The following CTNND2 variants were observed in gnomAD, a reference collection of about 807,000 sequenced individuals.
CTNND2 encodes the protein catenin delta-2.
In CTNND2, 22 loss-of-function variants were observed where a neutral mutation model predicts 144.4. The ratio of observed to expected loss-of-function variants is 0.15; its 90% CI spans 0.11 to 0.22. The LOEUF is 0.22. Among genes scored for constraint, CTNND2 ranks in the 10% least tolerant of loss-of-function variants. CTNND2 has a pLI of 1.00. For synonymous variants in CTNND2, 751 were observed against 695.6 expected, an observed-to-expected ratio of 1.08 and a Z score of -1.25; for missense variants, 1,353 against 1,618.8, an observed-to-expected ratio of 0.84 and a Z score of 2.82.
intron 11 of CTNND2, among the ~76,000 whole-genome samples, chr5:11,185,547 G>A (rs1580525756): frequency 6.6e-6 from 1 of 152,188 alleles, no homozygotes; most frequent in African/African-American, 2.4e-5. Context: ...GGCATTCCCT[G>A]GGGATGGCAC....
At chr5:11,440,687 A>G (rs1764185138) in intron 3 of CTNND2, among the ~76,000 whole-genome samples, 1 of 152,202 alleles carries the variant, frequency 6.6e-6, no homozygotes, top group African/African-American at 2.4e-5. Context: ...ATCAGTGTTC[A>G]TTGCTAGAAT....
chr5:11,660,510 C>T (rs894628116), intron 2 of CTNND2, among the ~76,000 whole-genome samples: 11 of 152,136 alleles, frequency 7.2e-5, no homozygotes, highest in African/African-American at 1.7e-4. Context: ...CCTAAAAATA[C>T]GGGTCTTCAG....
At chr5:11,641,329 A>G (rs946496159) in intron 2 of CTNND2, among the ~76,000 whole-genome samples, 3 of 152,070 alleles carry the variant, frequency 2.0e-5, no homozygotes, top group African/African-American at 7.2e-5. Context: ...CATCTATCCC[A>G]GGAACCGGAT....
chr5:11,355,404 T>C (rs749339338), intron 8 of CTNND2, among the ~76,000 whole-genome samples: 1 of 151,886 alleles, frequency 6.6e-6, no homozygotes, highest in Non-Finnish European at 1.5e-5. Flanking sequence ...GAACCAAGGA[T>C]AAAAACCATA....
intron 2 of CTNND2, among the ~76,000 whole-genome samples, chr5:11,628,442 T>C (rs572683661): frequency 4.6e-5 from 7 of 152,218 alleles, no homozygotes; most frequent in East Asian, 1.9e-4. Flanking sequence ...GATGAGGCAA[T>C]TGAAACTCAG....
At chr5:11,849,960 G>C (rs1476293541) in intron 1 of CTNND2, among the ~76,000 whole-genome samples, 8 of 152,126 alleles carry the variant, frequency 5.3e-5, no homozygotes, top group Admixed American at 5.2e-4. Context: ...CATAAGATAG[G>C]AGGTTTAAAA....
intron 2 of CTNND2, among the ~76,000 whole-genome samples, chr5:11,583,631 TAATC>T (rs1269072986): frequency 2.0e-5 from 3 of 152,226 alleles, no homozygotes; most frequent in East Asian, 3.8e-4. Context: ...TATGGGTAAA[TAATC>T]AAGAGCACAC....
chr5:10,984,675 C>T lies in CTNND2; in HGVS notation c.3344-2829G>A, dbSNP rs146271070. ...CACAGAGGCTCTGCCCTCATATGAC[C>T]GAGCTAATAGTGGACTCACAGAAGA... On this transcript the variant is annotated intron_variant, in intron 20 of 21. Coordinates refer to ENST00000304623, the MANE Select transcript of CTNND2 (RefSeq NM_001332.4). 8.5e-5 allele frequency among the ~76,000 whole-genome samples: 13 copies of T among 152,134 alleles called. No individual in the cohort carries two copies. The East Asian group carries it at 2.3e-3, about 27-fold the overall frequency.
chr5:11,040,179 G>A (rs1209980697), intron 16 of CTNND2, among the ~76,000 whole-genome samples: 1 of 152,198 alleles, frequency 6.6e-6, no homozygotes, highest in African/African-American at 2.4e-5. Context: ...CCGGGAGGTG[G>A]AGGTTGCAGT....
intron 1 of CTNND2, among the ~76,000 whole-genome samples, chr5:11,735,882 G>A (rs1787656056): frequency 6.6e-6 from 1 of 152,112 alleles, no homozygotes; most frequent in African/African-American, 2.4e-5. Context: ...CATGAGAATG[G>A]ACTAATACAC....
Position 11,879,423 on chromosome 5 carries a change from T to C in CTNND2, c.37+24394A>G, listed in dbSNP as rs1582053382. Among the ~76,000 whole-genome samples, 4 of 145,758 alleles carry C rather than the reference T, an allele frequency of 2.7e-5. No homozygotes were observed. The South Asian group carries it at 8.9e-4, about 32-fold the overall frequency. On this transcript the variant is annotated intron_variant, in intron 1 of 21. Transcript: ENST00000304623. ...TGCCTGTGCATGGGCATATACAAAATACAAGAAAAGTTTGATTTGCCTTTT... is the reference window on the plus strand; with the variant it reads ...TGCCTGTGCATGGGCATATACAAAACACAAGAAAAGTTTGATTTGCCTTTT...
chr5:11,159,785 T>C, intron 11 of CTNND2, 26 bp from the exon 12 acceptor site: 1 of 1,524,534 alleles, frequency 6.6e-7, no homozygotes, highest in South Asian at 1.3e-5. Flanking sequence ...AAAAAGAGGT[T>C]TTGGGTGGCC....
At position 11,213,996 on chromosome 5, in the gene CTNND2, C is replaced by T. The variant is rs931712903; in HGVS notation, c.1762-14335G>A. On this transcript the variant is annotated intron_variant, in intron 10 of 21. Transcript: ENST00000304623. ...TTTTATTCCAATTTAAAGCTTGTAG[C>T]GTTAATTTTCTTTTTTTCTTGTAAC... Among the ~76,000 whole-genome samples, 7 of 152,144 alleles carry T rather than the reference C, an allele frequency of 4.6e-5. No homozygotes were observed. In the South Asian group the frequency reaches 1.0e-3, roughly 23 times the overall value.
rs185424088 is a variant in CTNND2 at position 11,182,481 on chromosome 5, T to G, written c.1975+16967A>C. 1.0e-3 allele frequency among the ~76,000 whole-genome samples: 158 copies of G among 152,152 alleles called. 1 individual carries two copies. Among genetic ancestry groups the G allele is most frequent in the South Asian group, 3.1e-3 (15 of 4,816 alleles). On this transcript the variant is annotated intron_variant, in intron 11 of 21. Transcript: ENST00000304623. ...ACACTTGGTTTTAAGTAAATTTGCC[T>G]CAACTTCAACCTCTCTCTTCCCCCA...
chr5:11,080,660 C>G (rs528803843), intron 16 of CTNND2, among the ~76,000 whole-genome samples: 2 of 152,302 alleles, frequency 1.3e-5, no homozygotes, highest in Non-Finnish European at 2.9e-5. Context: ...GGAAGGGAAT[C>G]CTGTCCTTTA....
rs200733167 is a variant in CTNND2, at chr5:11,023,529, G to A, written c.2789-550C>T. Among the ~76,000 whole-genome samples the A allele has an allele frequency of 2.4e-4, 36 of 152,242 alleles. No homozygotes were observed. In the East Asian group the frequency reaches 6.2e-3, roughly 26 times the overall value. On this transcript the variant is annotated intron_variant, in intron 16 of 21. Coordinates refer to ENST00000304623, the MANE Select transcript of CTNND2 (RefSeq NM_001332.4). ...GAACATGATCACATATGTGAGTACT[G>A]AGCTTTGATTCATTTAAAGCAAGGA...
intron 9 of CTNND2, among the ~76,000 whole-genome samples, chr5:11,304,026 G>T (rs750011495): frequency 6.6e-6 from 1 of 152,064 alleles, no homozygotes; most frequent in Non-Finnish European, 1.5e-5. Context: ...CCATGTAAGA[G>T]GTGGCTTTCA....
At chr5:11,447,764 A>G (rs1451304559) in intron 3 of CTNND2, among the ~76,000 whole-genome samples, 1 of 152,182 alleles carries the variant, frequency 6.6e-6, no homozygotes, top group African/African-American at 2.4e-5. Flanking sequence ...CAACAACTCA[A>G]GTGGTTGTTA....
At chr5:11,441,710 A>G (rs249237) in intron 3 of CTNND2, among the ~76,000 whole-genome samples, 34,124 of 144,626 alleles carry the variant, frequency 0.24, 7,799 homozygotes, top group African/African-American at 0.61. Context: ...TATCCAATAT[A>G]GGATTAATAC....
Sources: gnomAD v4.1 joint callset for allele counts (sites outside exome capture counted in the v4.1 genomes callset) on GRCh38, gnomAD v4.1.1 for gene constraint, MANE v1.5 for transcripts, NCBI Gene and HGNC (gene_info 2026-07-23, HGNC 2026-07-21) for gene names.